RPF1: variants seen among roughly 807,000 people sequenced by gnomAD.
RPF1 encodes the protein ribosome production factor 1.
In RPF1, 34 loss-of-function variants were observed where a neutral mutation model predicts 41.9. That is an observed-to-expected ratio of 0.81 (90% CI 0.62 to 1.08). The LOEUF is 1.08. RPF1 is among the 50% of genes least tolerant of loss of function. The probability of loss-of-function intolerance (pLI) is 0.00; values close to 1 mark genes in which losing one functional copy is unlikely to be tolerated. For missense variants in RPF1, 425 were observed against 435.2 expected, an observed-to-expected ratio of 0.98 and a Z score of 0.21; for synonymous variants, 140 against 148.9, an observed-to-expected ratio of 0.94 and a Z score of 0.43.
chr1:84,497,643 A>G lies in RPF1; in HGVS notation c.*173A>G. The G allele has an allele frequency of 2.1e-6, 1 of 478,282 alleles. No homozygotes were observed. Among genetic ancestry groups the G allele is most frequent in the Non-Finnish European group, 3.8e-6 (1 of 264,480 alleles). 29.6% of individuals were successfully genotyped at this position (478,282 alleles called of 1,614,324 possible). On this transcript the variant is annotated 3_prime_UTR_variant, in exon 9 of 9. Transcript: ENST00000370654. ...GCCACTGTGTGTTTATGTAGAAAATACAAATAAAAGTTATTTTGATGGCTT... is the reference window on the plus strand; with the variant it reads ...GCCACTGTGTGTTTATGTAGAAAATGCAAATAAAAGTTATTTTGATGGCTT...
In RPF1 at chr1:84,480,962, T is replaced by G. The variant is rs1241348002; in HGVS notation, c.235T>G (p.Leu79Val). 1.9e-6 allele frequency: 3 copies of G among 1,573,360 alleles called. No homozygotes were observed. Among genetic ancestry groups the G allele is most frequent in the African/African-American group, 2.7e-5 (2 of 73,766 alleles). ...TTTTTTTTTAACCCTTTAGGAAAAG[T>G]TGGCAGCTAAGAAAAAACTTAAAAA... is the stretch of plus-strand genomic sequence containing the variant. Reference protein sequence around the residue: ...RWKQQQRKEKLAAKKKLKKER... With the variant: ...RWKQQQRKEKVAAKKKLKKER... The change falls in exon 2 of 9, where the codon TTG (leucine) becomes GTG (valine). Residue 79 changes from leucine (L) to valine (V), a missense_variant. By Grantham distance (32) the Leu-to-Val change is conservative. Coordinates refer to ENST00000370654, the MANE Select transcript of RPF1 (RefSeq NM_025065.7).
intron 5 of RPF1, among the ~76,000 whole-genome samples, chr1:84,492,304 TCTAAAGACCATTGGAGGGG>T: frequency 6.6e-6 from 1 of 152,196 alleles, no homozygotes; most frequent in East Asian, 1.9e-4. Context: ...ATGGCGTCTT[TCTAAAGACCATTGGAGGGG>T]CTACTGTGTG....
intron 3 of RPF1, among the ~76,000 whole-genome samples, chr1:84,488,233 TA>T (rs1405400978): frequency 1.3e-5 from 2 of 152,106 alleles, no homozygotes; most frequent in Non-Finnish European, 2.9e-5. Flanking sequence ...TGTATGTATA[TA>T]ATATATATTT....
chr1:84,479,681 ACT>A (rs1228401401), intron 1 of RPF1, among the ~76,000 whole-genome samples, 172 bp downstream of exon 1: 1 of 151,508 alleles, frequency 6.6e-6, no homozygotes, highest in Non-Finnish European at 1.5e-5. Flanking sequence ...TAGTTTGGAG[ACT>A]CTAGGTTCAG....
intron 5 of RPF1, among the ~76,000 whole-genome samples, chr1:84,493,771 T>C (rs1681880554): frequency 1.3e-5 from 2 of 152,128 alleles, no homozygotes; most frequent in Admixed American, 1.3e-4. Flanking sequence ...AATAGATGAG[T>C]AAAACGTTGC....
chr1:84,490,481 T>TG lies in RPF1; in HGVS notation c.616+9_616+10insG, dbSNP rs1681815462. 6.4e-7 allele frequency: 1 copy of TG among 1,563,136 alleles called. No individual in the cohort carries two copies. Among genetic ancestry groups the TG allele is most frequent in the Admixed American group, 2.0e-5 (1 of 49,398 alleles). ...AGATCGTAAAACCCCAAGTATCCTTTTTTTTTTTAAGGAGGTTTTCCTGTC... is the reference window on the plus strand; with the variant it reads ...AGATCGTAAAACCCCAAGTATCCTTTGTTTTTTTTAAGGAGGTTTTCCTGTC... On this transcript the variant is annotated intron_variant, in intron 5 of 8. Coordinates refer to ENST00000370654, the MANE Select transcript of RPF1 (RefSeq NM_025065.7).
At chr1:84,489,955 T>C (rs756919861) in intron 4 of RPF1, among the ~76,000 whole-genome samples, 6 of 152,214 alleles carry the variant, frequency 3.9e-5, no homozygotes, top group Non-Finnish European at 8.8e-5. Context: ...TGGAGAATTC[T>C]TTGTTATGGT....
At chr1:84,487,625 T>C (rs1419134403) in intron 3 of RPF1, among the ~76,000 whole-genome samples, 1 of 152,118 alleles carries the variant, frequency 6.6e-6, no homozygotes, top group Non-Finnish European at 1.5e-5. Flanking sequence ...AAATTAGCAC[T>C]TAAAGCTTTT....
intron 7 of RPF1, 58 bp downstream of exon 7, chr1:84,496,121 G>C: frequency 6.7e-7 from 1 of 1,484,964 alleles, no homozygotes. Context: ...TTTTCAACAT[G>C]AACTAATTTT....
chr1:84,494,469 A>T (rs1681892444), intron 5 of RPF1, among the ~76,000 whole-genome samples: 2 of 152,180 alleles, frequency 1.3e-5, no homozygotes, highest in African/African-American at 4.8e-5. Context: ...TGTGTTTGAA[A>T]ATTTCTCCTA....
intron 3 of RPF1, among the ~76,000 whole-genome samples, chr1:84,489,168 C>CT (rs1278597614): frequency 6.6e-6 from 1 of 152,106 alleles, no homozygotes; most frequent in Non-Finnish European, 1.5e-5. Context: ...CCATAAAACT[C>CT]TTTCAGACTA....
rs1370075959 is a variant in RPF1 at position 84,482,922 on chromosome 1, C to T, written c.293C>T (p.Pro98Leu). 6.2e-7 allele frequency: 1 copy of T among 1,605,324 alleles called. No homozygotes were observed. The highest frequency in any genetic ancestry group is 1.7e-5 in the Admixed American group (1 of 59,930). The change falls in exon 3 of 9, where the codon CCA becomes CTA. Residue 98 changes from proline (P) to leucine (L), a missense_variant. Pro to Leu is a moderately conservative substitution (Grantham distance 98). Coordinates refer to ENST00000370654, the MANE Select transcript of RPF1 (RefSeq NM_025065.7). ...CCCTTCTCTTTTACTTAGGCTCCAC[C>T]AAAGCCTGTACCCAAGACCATTGAC... ...EREALGDKAP[P>L]KPVPKTIDNQ...
rs1681959077 is a variant in RPF1, at chr1:84,497,291, G to T, written c.1009-138G>T. On this transcript the variant is annotated intron_variant, in intron 8 of 8. Transcript: ENST00000370654. ...TTAGACCGAAGACTGACTATTCGGG[G>T]TCTCGCACAAACCCGGTTTTTCAGC... is the stretch of plus-strand genomic sequence containing the variant. 4 of 625,536 alleles carry T rather than the reference G, an allele frequency of 6.4e-6. No individual in the cohort carries two copies. The East Asian group carries it at 1.1e-4, about 18-fold the overall frequency. 38.7% of individuals were successfully genotyped at this position (625,536 alleles called of 1,614,324 possible). A position where few individuals can be genotyped will look rare whatever the true frequency, so the allele number is the denominator to read the frequency against.
chr1:84,497,239 A>G (rs1272048189), intron 8 of RPF1, among the ~76,000 whole-genome samples, 190 bp from the exon 9 acceptor site: 2 of 151,296 alleles, frequency 1.3e-5, no homozygotes, highest in Admixed American at 6.6e-5. Context: ...AATCACACAC[A>G]CACAGTAACT....
At chr1:84,492,505 G>A (rs1004532819) in intron 5 of RPF1, among the ~76,000 whole-genome samples, 7 of 152,246 alleles carry the variant, frequency 4.6e-5, no homozygotes, top group African/African-American at 1.4e-4. Context: ...TTTTAGTCAC[G>A]TTTCTTAGCC....
At chr1:84,494,096 T>C (rs1209372636) in intron 5 of RPF1, among the ~76,000 whole-genome samples, 4 of 152,334 alleles carry the variant, frequency 2.6e-5, no homozygotes, top group South Asian at 2.1e-4. Context: ...TGGTTACTTA[T>C]AGAACCAAGG....
At chr1:84,496,448 GAATAGCT>G in intron 8 of RPF1, 78 bp downstream of exon 8, 1 of 1,279,358 alleles carries the variant, frequency 7.8e-7, no homozygotes, top group African/African-American at 1.5e-5. Context: ...AGAGCATCAG[GAATAGCT>G]AATGGATGCT....
At chr1:84,493,676 A>C (rs528426928) in intron 5 of RPF1, among the ~76,000 whole-genome samples, 18 of 152,318 alleles carry the variant, frequency 1.2e-4, no homozygotes, top group Non-Finnish European at 1.5e-5. Context: ...TAACTCAAAA[A>C]GTGATGAGTG....
At chr1:84,481,757 C>T (rs548376328) in intron 2 of RPF1, among the ~76,000 whole-genome samples, 2 of 152,208 alleles carry the variant, frequency 1.3e-5, no homozygotes, top group South Asian at 2.1e-4. Flanking sequence ...TTTATAGTTA[C>T]TCCTAGGTTG....
Sources: gnomAD v4.1 joint callset for allele counts (sites outside exome capture counted in the v4.1 genomes callset) on GRCh38, gnomAD v4.1.1 for gene constraint, MANE v1.5 for transcripts, NCBI Gene and HGNC (gene_info 2026-07-23, HGNC 2026-07-21) for gene names.